SLC2A12: variants seen among roughly 807,000 people sequenced by gnomAD.
SLC2A12 encodes solute carrier family 2, facilitated glucose transporter member 12.
A neutral mutation model predicts 41.8 loss-of-function variants in SLC2A12; 23 were observed. That is an observed-to-expected ratio of 0.55 (90% CI 0.40 to 0.78). The LOEUF (loss-of-function observed/expected upper bound fraction) is 0.78, where lower values mean the gene tolerates loss of function less well. SLC2A12 is among the 30% of genes least tolerant of loss of function. The pLI is 0.00. For synonymous variants in SLC2A12, 295 were observed against 285.9 expected (o/e 1.03, Z -0.32); for missense variants, 654 against 745.6 (o/e 0.88, Z 1.43).
chr6:134,008,249 C>A (rs1776838632), intron 2 of SLC2A12, among the ~76,000 whole-genome samples: 1 of 152,168 alleles, frequency 6.6e-6, no homozygotes, highest in Non-Finnish European at 1.5e-5. Flanking sequence ...ATTTGCCTCT[C>A]CTGACAAGAT....
In SLC2A12 at chr6:134,028,772, G is replaced by T; in HGVS notation, c.1053C>A (p.Ser351=). The T allele has an allele frequency of 6.2e-7, 1 of 1,614,206 alleles. No individual in the cohort carries two copies. ...TCACCAACGAAGCTGCCATCACAGA[G>T]GAGCCAATGCAGAGGAATGTTTTGC... ...VGSKTFLCIG[S]SVMAASLVTM... is the part of the protein sequence containing the mutation. The change falls in exon 2 of 5, where the codon TCC becomes TCA. Residue 351 remains serine, a synonymous_variant. Coordinates refer to ENST00000275230, the MANE Select transcript of SLC2A12 (RefSeq NM_145176.3).
chr6:133,992,744 C>T (rs949009755), intron 4 of SLC2A12, among the ~76,000 whole-genome samples: 4 of 152,016 alleles, frequency 2.6e-5, no homozygotes, highest in Non-Finnish European at 4.4e-5. Context: ...AGAGCATGGG[C>T]CTCCAGGTCG....
intron 1 of SLC2A12, among the ~76,000 whole-genome samples, chr6:134,044,671 G>A (rs976780482): frequency 1.4e-5 from 2 of 138,350 alleles, no homozygotes; most frequent in African/African-American, 2.7e-5. Context: ...CCGAGATAGC[G>A]CCACTACACT....
Position 134,006,989 on chromosome 6 carries a change from A to T in SLC2A12, c.1445-55T>A. On this transcript the variant is annotated intron_variant, in intron 2 of 4. Transcript: ENST00000275230. ...CAGCACATTTAGCAAAAACCCATTG[A>T]ATCTGAGTGCCAGCACCCTGATCTC... 1.9e-6 allele frequency: 3 copies of T among 1,606,644 alleles called. No homozygotes were observed. In the Admixed American group the frequency reaches 5.1e-5, roughly 27 times the overall value.
At chr6:133,992,859 G>A (rs371609016) in intron 4 of SLC2A12, among the ~76,000 whole-genome samples, 13 of 152,252 alleles carry the variant, frequency 8.5e-5, no homozygotes, top group East Asian at 3.9e-4. Context: ...GCAGTGATTG[G>A]AAATGAGTCT....
rs1373241793 is a variant in SLC2A12, at chr6:134,029,530, C to A, written c.295G>T (p.Val99Phe). The A allele has an allele frequency of 6.2e-7, 1 of 1,614,014 alleles. No homozygotes were observed. The highest frequency in any genetic ancestry group is 1.3e-5 in the African/African-American group (1 of 74,910). Residue 99 changes from valine (V) to phenylalanine (F), a missense_variant, in exon 2 of 5, where the codon GTC becomes TTC. By Grantham distance (50) the Val-to-Phe change is conservative. Coordinates refer to ENST00000275230, the MANE Select transcript of SLC2A12 (RefSeq NM_145176.3). ...GALLASLTGG[V>F]LIDRYGRRTA... ...CTTCTTCCATATCTGTCTATCAGGA[C>A]CCCTCCGGTGAGTGAGGCAAGGAGG...
chr6:133,991,601 C>T (rs1230854006), intron 4 of SLC2A12, among the ~76,000 whole-genome samples: 3 of 152,062 alleles, frequency 2.0e-5, no homozygotes, highest in Non-Finnish European at 4.4e-5. Context: ...AGGTTTCATC[C>T]CAGACCTTAT....
intron 1 of SLC2A12, among the ~76,000 whole-genome samples, chr6:134,041,372 G>A (rs115123020): frequency 0.04 from 6,069 of 152,176 alleles, 290 homozygotes; most frequent in African/African-American, 0.11. Flanking sequence ...TAATCCCAGT[G>A]CTTTGGGAGG....
chr6:134,000,467 G>A (rs542715918), intron 4 of SLC2A12, among the ~76,000 whole-genome samples: 3 of 152,132 alleles, frequency 2.0e-5, no homozygotes, highest in Non-Finnish European at 2.9e-5. Flanking sequence ...CTGAAGAATC[G>A]CTATGCCCAC....
intron 2 of SLC2A12, among the ~76,000 whole-genome samples, chr6:134,013,149 G>T (rs1776910432): frequency 6.6e-6 from 1 of 151,978 alleles, no homozygotes; most frequent in Non-Finnish European, 1.5e-5. Context: ...CCTTAGGCCG[G>T]GCATGGTGGC....
At chr6:134,001,313 T>TC (rs1776751638) in intron 4 of SLC2A12, among the ~76,000 whole-genome samples, 1 of 152,164 alleles carries the variant, frequency 6.6e-6, no homozygotes, top group Non-Finnish European at 1.5e-5. Flanking sequence ...GGAAATAAAC[T>TC]GTTTTTTAAA....
In SLC2A12 at chr6:134,029,636, C is replaced by T. The variant is rs776639567; in HGVS notation, c.189G>A (p.Gly63=). 1 of 1,613,548 alleles carries T rather than the reference C, an allele frequency of 6.2e-7. No homozygotes were observed. The change falls in exon 2 of 5, where the codon GGG becomes GGA. Residue 63 remains glycine (G), a synonymous_variant. Transcript: ENST00000275230. ...LVGYELGIIS[G]ALLQIKTLLA... ...ATAAGGTTTTGATCTGAAGAAGAGC[C>T]CCAGAGATGATCCCAAGTTCATAAC...
intron 1 of SLC2A12, among the ~76,000 whole-genome samples, chr6:134,037,368 G>GT (rs1275605887): frequency 2.5e-3 from 296 of 118,384 alleles, no homozygotes; most frequent in Middle Eastern, 5.0e-3. Flanking sequence ...TTTTGTTTTT[G>GT]TTTTTTTTTT....
At chr6:134,002,331 A>G (rs1776763162) in intron 3 of SLC2A12, among the ~76,000 whole-genome samples, 1 of 152,174 alleles carries the variant, frequency 6.6e-6, no homozygotes, top group Non-Finnish European at 1.5e-5. Flanking sequence ...TTCTCTGTTG[A>G]AGAAAATAGC....
chr6:133,997,077 T>TA (rs1776704448), intron 4 of SLC2A12, among the ~76,000 whole-genome samples: 1 of 15,960 alleles, frequency 6.3e-5, no homozygotes, highest in Non-Finnish European at 1.1e-4. Context: ...CCGTCTCTAC[T>TA]AAAAATACAA....
At chr6:134,016,876 A>G (rs1776969395) in intron 2 of SLC2A12, among the ~76,000 whole-genome samples, 1 of 152,250 alleles carries the variant, frequency 6.6e-6, no homozygotes, top group South Asian at 2.1e-4. Flanking sequence ...AAATATTTCT[A>G]TAACCTCTAA....
intron 1 of SLC2A12, among the ~76,000 whole-genome samples, chr6:134,039,479 T>C (rs1777351199): frequency 6.6e-6 from 1 of 152,226 alleles, no homozygotes; most frequent in Non-Finnish European, 1.5e-5. Flanking sequence ...TAAATAGAAA[T>C]CTTAGAATGC....
At chr6:134,007,363 C>G (rs574130496) in intron 2 of SLC2A12, among the ~76,000 whole-genome samples, 3 of 152,342 alleles carry the variant, frequency 2.0e-5, no homozygotes, top group African/African-American at 2.4e-5. Context: ...CTCTCTCCCC[C>G]TGACCTTGGA....
intron 1 of SLC2A12, among the ~76,000 whole-genome samples, chr6:134,038,700 CTTTTTTTTTTT>C (rs200794350): frequency 2.2e-4 from 18 of 82,108 alleles, no homozygotes; most frequent in African/African-American, 8.3e-4. Flanking sequence ...CCTTTCTTTC[CTTTTTTTTTTT>C]TTTTTTTTTT....
Sources: gnomAD v4.1 joint callset for allele counts (sites outside exome capture counted in the v4.1 genomes callset) on GRCh38, gnomAD v4.1.1 for gene constraint, MANE v1.5 for transcripts, NCBI Gene and HGNC (gene_info 2026-07-23, HGNC 2026-07-21) for gene names.